Variants in GPAM observed in about 807,000 individuals in gnomAD.
GPAM encodes the protein glycerol-3-phosphate acyltransferase, mitochondrial.
In GPAM, 56 loss-of-function variants were observed where a neutral mutation model predicts 105.0. The observed-to-expected ratio is 0.53, with a 90% CI of 0.43 to 0.67. The LOEUF is 0.67. GPAM is among the 30% of genes least tolerant of loss of function. GPAM has a pLI of 0.00. For synonymous variants in GPAM, 368 were observed against 354.4 expected, an observed-to-expected ratio of 1.04 and a Z score of -0.43; for missense variants, 855 against 989.8, an observed-to-expected ratio of 0.86 and a Z score of 1.83.
intron 1 of GPAM, among the ~76,000 whole-genome samples, chr10:112,190,438 G>C (rs1847642942): frequency 6.6e-6 from 1 of 150,696 alleles, no homozygotes; most frequent in South Asian, 2.1e-4. Context: ...CCAGGAGCCA[G>C]AGAGTGAGCC....
rs112959691 is a variant in GPAM, at chr10:112,201,695, T to C, written n.210+13473A>G. Among the ~76,000 whole-genome samples, 1,005 of 152,346 alleles carry C rather than the reference T, an allele frequency of 6.6e-3. 11 individuals are homozygous for C. Among genetic ancestry groups the C allele is most frequent in the African/African-American group, 0.024 (980 of 41,580 alleles). ...ACTTTCTTCTATATCATCCTATTTA[T>C]TTTATTTATAGCACTTAACCCTCTC... On this transcript the variant is annotated intron_variant and non_coding_transcript_variant, in intron 1 of 3. Coordinates refer to the GPAM transcript ENST00000480130.
At chr10:112,155,749 AC>A (rs1312667806) in intron 20 of GPAM, 114 bp downstream of exon 20, 1 of 662,030 alleles carries the variant, frequency 1.5e-6, no homozygotes, top group East Asian at 2.7e-5. Context: ...GTAATACTCT[AC>A]GGTGTTAGAG....
Position 112,164,558 on chromosome 10 carries a change from T to C in GPAM, c.1274A>G (p.Glu425Gly). ...AAGTATAGCTGGTAACAACGCTTGC[T>C]CCAGGGAAAGTAGAGCAGACACCGG... ...QKPVSALLSL[E>G]QALLPAILPS... The change falls in exon 13 of 22, where the codon GAG (glutamate) becomes GGG (glycine). Residue 425 changes from glutamate to glycine, a missense_variant. By Grantham distance (98) the Glu-to-Gly change is moderately conservative (BLOSUM62 -2). Transcript: ENST00000348367. 6.2e-7 allele frequency: 1 copy of C among 1,606,674 alleles called. No homozygotes were observed. Among genetic ancestry groups the C allele is most frequent in the Non-Finnish European group, 8.5e-7 (1 of 1,173,248 alleles).
rs138229142 is a variant in GPAM, at chr10:112,189,775, T to G, written n.211-6884A>C. The stretch of plus-strand genomic sequence containing the variant: ...CGCTTCCTTTTCCGTTTTGTTCCCA[T>G]TTGCTACGTAATTCAATATCCAAAC... On this transcript the variant is annotated intron_variant and non_coding_transcript_variant, in intron 1 of 3. Transcript: ENST00000480130. Among the ~76,000 whole-genome samples, 874 of 152,288 alleles carry G rather than the reference T, an allele frequency of 5.7e-3. 7 individuals are homozygous for G. Among genetic ancestry groups the G allele is most frequent in the African/African-American group, 0.02 (840 of 41,562 alleles).
At chr10:112,223,860 T>C in the GPAM span, among the ~76,000 whole-genome samples, 1 of 152,190 alleles carries the variant, frequency 6.6e-6, no homozygotes, top group African/African-American at 2.4e-5. Context: ...CTGGACTTGG[T>C]CCCAGGGCTG....
chr10:112,165,626 G>A (rs1847201574), intron 12 of GPAM, among the ~76,000 whole-genome samples: 4 of 152,056 alleles, frequency 2.6e-5, no homozygotes, highest in Non-Finnish European at 5.9e-5. Context: ...GGGGGCAGAG[G>A]TTGCAGTGAG....
chr10:112,222,377 C>T, the GPAM span, among the ~76,000 whole-genome samples: 1 of 152,134 alleles, frequency 6.6e-6, no homozygotes, highest in Non-Finnish European at 1.5e-5. Flanking sequence ...ATATTTCTAT[C>T]GATTTGTTTT....
At chr10:112,208,901 A>G (rs1360376768) in intron 1 of GPAM, among the ~76,000 whole-genome samples, 1 of 152,224 alleles carries the variant, frequency 6.6e-6, no homozygotes, top group Non-Finnish European at 1.5e-5. Flanking sequence ...AAAAAACATC[A>G]TAAGCCAACA....
chr10:112,172,674 C>A (rs781202319), intron 8 of GPAM, among the ~76,000 whole-genome samples: 1 of 152,140 alleles, frequency 6.6e-6, no homozygotes, highest in Non-Finnish European at 1.5e-5. Flanking sequence ...CTTGAGACAA[C>A]CTATTTATCT....
In GPAM at chr10:112,206,830, A is replaced by AT. The variant is rs138895774; in HGVS notation, n.210+8337dup. On this transcript the variant is annotated intron_variant and non_coding_transcript_variant, in intron 1 of 3. Coordinates refer to the GPAM transcript ENST00000480130. Reference sequence around the variant, plus strand: ...AACTTAAAGTATAATAAAAAAAAAAATTTAAAAAAAAAAAAAAAGAATCAA... The same window carrying AT: ...AACTTAAAGTATAATAAAAAAAAAAATTTTAAAAAAAAAAAAAAAGAATCAA... Among the ~76,000 whole-genome samples, 154 of 138,978 alleles carry AT rather than the reference A, an allele frequency of 1.1e-3. 1 individual carries two copies. The highest frequency in any genetic ancestry group is 4.6e-3 in the African/African-American group (144 of 31,626). 91.2% of individuals were successfully genotyped at this position (138,978 alleles called of 152,430 possible).
intron 1 of GPAM, among the ~76,000 whole-genome samples, chr10:112,199,830 C>T (rs1847771361): frequency 6.6e-6 from 1 of 152,054 alleles, no homozygotes; most frequent in South Asian, 2.1e-4. Context: ...TATTCCCTAC[C>T]ATGGGAACAG....
intron 1 of GPAM, among the ~76,000 whole-genome samples, chr10:112,198,802 G>A (rs551510184): frequency 6.6e-6 from 1 of 152,252 alleles, no homozygotes; most frequent in Admixed American, 6.5e-5. Context: ...AGTGGGTAAA[G>A]AAAGTATGGT....
At chr10:112,206,892 C>T (rs1294054411) in intron 1 of GPAM, among the ~76,000 whole-genome samples, 1 of 151,796 alleles carries the variant, frequency 6.6e-6, no homozygotes, top group African/African-American at 2.4e-5. Flanking sequence ...ACCTCCATGC[C>T]TGTGCAAATA....
chr10:112,153,369 T>C lies in GPAM; in HGVS notation c.*181A>G, dbSNP rs1236081236. On this transcript the variant is annotated 3_prime_UTR_variant, in exon 22 of 22. Coordinates refer to ENST00000348367, the MANE Select transcript of GPAM (RefSeq NM_001244949.2). ...CAAGTGTTATCTGCAGGCTGCTGTG[T>C]TGATGCAGAGCTGGGAAGATCACAG... is the stretch of plus-strand genomic sequence containing the variant. 10 of 1,540,146 alleles carry C rather than the reference T, an allele frequency of 6.5e-6. No individual in the cohort carries two copies. The highest frequency in any genetic ancestry group is 2.7e-5 in the African/African-American group (2 of 73,254).
At chr10:112,184,938 AAG>A (rs551615843), upstream of GPAM, among the ~76,000 whole-genome samples, 46 of 152,312 alleles carry the variant, frequency 3.0e-4, no homozygotes, top group South Asian at 3.3e-3. Context: ...GTATGAAGAA[AAG>A]AGAGAGCAAT....
intron 13 of GPAM, among the ~76,000 whole-genome samples, chr10:112,164,233 C>T (rs1847174349): frequency 6.6e-6 from 1 of 152,126 alleles, no homozygotes; most frequent in African/African-American, 2.4e-5. Flanking sequence ...CACTTACATA[C>T]AATATGCATA....
chr10:112,209,396 A>C lies in GPAM; in HGVS notation n.210+5772T>G, dbSNP rs188808126. On this transcript the variant is annotated intron_variant and non_coding_transcript_variant, in intron 1 of 3. Coordinates refer to the GPAM transcript ENST00000480130. ...GGGTAGTGGAAGGGGCCCCACCCCT[A>C]CCTTACCCAGCGGGCTCAGCCTGAG... is the stretch of plus-strand genomic sequence containing the variant. 3.4e-3 allele frequency among the ~76,000 whole-genome samples: 512 copies of C among 152,042 alleles called. 4 individuals carry two copies. Among genetic ancestry groups the C allele is most frequent in the African/African-American group, 0.012 (490 of 41,446 alleles).
chr10:112,185,571 GACACACACACAC>G (rs55812271), upstream of GPAM, among the ~76,000 whole-genome samples: 14,686 of 143,532 alleles, frequency 0.1, 840 homozygotes, highest in South Asian at 0.18. Flanking sequence ...CACACACACA[GACACACACACAC>G]ACACACACAC....
chr10:112,172,840 C>A, intron 8 of GPAM, 130 bp downstream of exon 8: 2 of 705,904 alleles, frequency 2.8e-6, no homozygotes, highest in Admixed American at 2.0e-5. Flanking sequence ...TTGAAGTTAT[C>A]ATAAATGAGG....
Sources: gnomAD v4.1 joint callset for allele counts (sites outside exome capture counted in the v4.1 genomes callset) on GRCh38, gnomAD v4.1.1 for gene constraint, MANE v1.5 for transcripts, NCBI Gene and HGNC (gene_info 2026-07-23, HGNC 2026-07-21) for gene names.